The following SDK2 variants were observed in gnomAD, a reference collection of about 807,000 sequenced individuals.
The protein encoded by SDK2 is protein sidekick-2.
In SDK2, 105 loss-of-function variants were observed where a neutral mutation model predicts 253.9. The ratio of observed to expected loss-of-function variants is 0.41; its 90% CI spans 0.35 to 0.49. The LOEUF is 0.49. Among genes scored for constraint, SDK2 ranks in the 20% least tolerant of loss-of-function variants. The pLI is 0.06. For missense variants in SDK2, 2,608 were observed against 3,003.0 expected (o/e 0.87, Z 3.07); for synonymous variants, 1,249 against 1,234.9 (o/e 1.01, Z -0.24).
At chr17:73,596,680 G>A (rs2045763370) in intron 1 of SDK2, among the ~76,000 whole-genome samples, 1 of 152,114 alleles carries the variant, frequency 6.6e-6, no homozygotes, top group Admixed American at 6.5e-5. Context: ...ATGAGGAGGA[G>A]CAGAAACAGG....
intron 1 of SDK2, among the ~76,000 whole-genome samples, chr17:73,569,178 T>C (rs1285414851): frequency 6.6e-6 from 1 of 151,522 alleles, no homozygotes; most frequent in East Asian, 1.9e-4. Flanking sequence ...CCAAAGCCCA[T>C]GTTCTTTCTT....
intron 1 of SDK2, among the ~76,000 whole-genome samples, chr17:73,566,023 A>G (rs986360424): frequency 2.2e-4 from 33 of 152,140 alleles, no homozygotes; most frequent in African/African-American, 7.5e-4. Context: ...GGGTTTCACC[A>G]TGTTGGCCAG....
intron 1 of SDK2, among the ~76,000 whole-genome samples, chr17:73,586,755 G>A (rs889411166): frequency 6.6e-6 from 1 of 152,168 alleles, no homozygotes; most frequent in Non-Finnish European, 1.5e-5. Context: ...CAGCAGTTTC[G>A]TTGCATGATT....
At chr17:73,532,483 G>A (rs558100938) in intron 1 of SDK2, among the ~76,000 whole-genome samples, 1 of 152,290 alleles carries the variant, frequency 6.6e-6, no homozygotes, top group East Asian at 1.9e-4. Flanking sequence ...CCAGAGTCAG[G>A]TGGCAGGGGA....
rs1011577871 is a variant in SDK2 at position 73,551,509 on chromosome 17, G to T, written c.65-43912C>A. ...GGTTTTCTCCCTCCTTCCATCTCTG[G>T]TGTCAGGGGTGACTTGGAAAGGATA... On this transcript the variant is annotated intron_variant, in intron 1 of 44. Transcript: ENST00000392650. Among the ~76,000 whole-genome samples the T allele has an allele frequency of 5.3e-5, 8 of 152,334 alleles. No individual in the cohort carries two copies. In the East Asian group the frequency reaches 1.5e-3, roughly 29 times the overall value.
At chr17:73,449,269 A>G (rs143388895) in intron 4 of SDK2, among the ~76,000 whole-genome samples, 1 of 152,316 alleles carries the variant, frequency 6.6e-6, no homozygotes, top group African/African-American at 2.4e-5. Flanking sequence ...TAGTTTGTCA[A>G]GTATATCTCT....
intron 2 of SDK2, among the ~76,000 whole-genome samples, chr17:73,490,106 C>T (rs1413864247): frequency 1.3e-5 from 2 of 152,064 alleles, no homozygotes; most frequent in Non-Finnish European, 2.9e-5. Context: ...AGAACTGTGT[C>T]CTTTCTCAGA....
intron 15 of SDK2, among the ~76,000 whole-genome samples, chr17:73,420,575 C>T (rs539758556): frequency 4.0e-4 from 61 of 152,146 alleles, no homozygotes; most frequent in Admixed American, 2.0e-3. Context: ...AGGTGATCCA[C>T]CTGCCTCTGC....
At chr17:73,492,099 A>G (rs1021508778) in intron 2 of SDK2, among the ~76,000 whole-genome samples, 1 of 151,984 alleles carries the variant, frequency 6.6e-6, no homozygotes, top group Non-Finnish European at 1.5e-5. Flanking sequence ...CCACCATGCT[A>G]CCAAGGAGGA....
At chr17:73,518,823 A>G (rs2064052169) in intron 1 of SDK2, 1 of 152,230 alleles carries the variant, frequency 6.6e-6, no homozygotes, top group Non-Finnish European at 1.5e-5. Flanking sequence ...TCTTCCCCTC[A>G]GTGGCCCCAA....
At chr17:73,377,354 G>A (rs1272299745) in intron 36 of SDK2, among the ~76,000 whole-genome samples, 1 of 151,742 alleles carries the variant, frequency 6.6e-6, no homozygotes, top group Non-Finnish European at 1.5e-5. Context: ...AAATAGCTGG[G>A]ATTACAGGCA....
chr17:73,462,079 G>T (rs895376163), intron 3 of SDK2, among the ~76,000 whole-genome samples: 1 of 151,646 alleles, frequency 6.6e-6, no homozygotes, highest in Non-Finnish European at 1.5e-5. Context: ...ACATGCACGT[G>T]TGCATGTATG....
chr17:73,507,607 C>G lies in SDK2; in HGVS notation c.65-10G>C, dbSNP rs1302514344. 2 of 1,549,994 alleles carry G rather than the reference C, an allele frequency of 1.3e-6. No individual in the cohort carries two copies. The highest frequency in any genetic ancestry group is 1.7e-6 in the Non-Finnish European group (2 of 1,145,994). On this transcript the variant is annotated splice_polypyrimidine_tract_variant and intron_variant, in intron 1 of 44. Coordinates refer to ENST00000392650, the MANE Select transcript of SDK2 (RefSeq NM_001144952.2). The stretch of plus-strand genomic sequence containing the variant: ...TACGGGGACACATCATCTGCAGAAA[C>G]AGGGAGACAAAGCCACCAGTGATCA...
chr17:73,610,078 C>T (rs1362877333), intron 1 of SDK2, among the ~76,000 whole-genome samples: 2 of 152,206 alleles, frequency 1.3e-5, no homozygotes, highest in African/African-American at 2.4e-5. Context: ...CCGTCTTTCT[C>T]CTCCACGTCC....
intron 1 of SDK2, among the ~76,000 whole-genome samples, chr17:73,617,938 T>C (rs1216798166): frequency 6.6e-6 from 1 of 152,046 alleles, no homozygotes; most frequent in Non-Finnish European, 1.5e-5. Context: ...TCTAAACGCC[T>C]TAAAACAAAA....
At position 73,358,218 on chromosome 17, in the gene SDK2, A is replaced by G. The variant is rs1394588167; in HGVS notation, c.5468-14T>C. 6 of 1,592,168 alleles carry G rather than the reference A, an allele frequency of 3.8e-6. No homozygotes were observed. The highest frequency in any genetic ancestry group is 1.9e-5 in the Admixed American group (1 of 53,330). ...GTCCTGGGGCACCTGCAGACAGCAC[A>G]CAGAGGCGAGGGATGTATGGAACCC... is the stretch of plus-strand genomic sequence containing the variant. On this transcript the variant is annotated splice_polypyrimidine_tract_variant and intron_variant, in intron 39 of 44. Coordinates refer to ENST00000392650, the MANE Select transcript of SDK2 (RefSeq NM_001144952.2).
intron 1 of SDK2, among the ~76,000 whole-genome samples, chr17:73,603,814 C>T (rs1442337060): frequency 6.6e-6 from 1 of 152,208 alleles, no homozygotes; most frequent in Non-Finnish European, 1.5e-5. Flanking sequence ...TGTCTGGCTC[C>T]TTCTACAACA....
chr17:73,362,366 C>CAGG (rs1033152069), intron 38 of SDK2, among the ~76,000 whole-genome samples: 2 of 151,800 alleles, frequency 1.3e-5, no homozygotes, highest in Non-Finnish European at 2.9e-5. Flanking sequence ...GGGGTTCAGC[C>CAGG]AGGAGCTCAC....
intron 15 of SDK2, among the ~76,000 whole-genome samples, chr17:73,421,737 T>A (rs778881379): frequency 6.6e-6 from 1 of 152,000 alleles, no homozygotes; most frequent in Non-Finnish European, 1.5e-5. Flanking sequence ...AATTTTCATA[T>A]TTTAGTAGAG....
Sources: gnomAD v4.1 joint callset for allele counts (sites outside exome capture counted in the v4.1 genomes callset) on GRCh38, gnomAD v4.1.1 for gene constraint, MANE v1.5 for transcripts, NCBI Gene and HGNC (gene_info 2026-07-23, HGNC 2026-07-21) for gene names.